CLIC5: variants seen among roughly 807,000 people sequenced by gnomAD.
CLIC5 encodes CLIC family member 5.
In CLIC5, 20 loss-of-function variants were observed where a neutral mutation model predicts 24.7. That is an observed-to-expected ratio of 0.81 (90% CI 0.57 to 1.18). CLIC5 has a LOEUF of 1.18. Among genes scored for constraint, CLIC5 ranks in the 50% most tolerant of loss-of-function variants. The pLI is 0.00. For missense variants in CLIC5, 341 were observed against 326.1 expected, an observed-to-expected ratio of 1.05 and a Z score of -0.35; for synonymous variants, 159 against 135.6, an observed-to-expected ratio of 1.17 and a Z score of -1.20.
At chr6:45,934,349 T>C (rs1206318606) in intron 4 of CLIC5, 1 of 151,910 alleles carries the variant, frequency 6.6e-6, no homozygotes, top group Non-Finnish European at 1.5e-5. Flanking sequence ...AAGTGGAGTA[T>C]AAATTTTAAA....
At chr6:46,030,985 A>C (rs1767482358) in intron 1 of CLIC5, among the ~76,000 whole-genome samples, 1 of 152,240 alleles carries the variant, frequency 6.6e-6, no homozygotes, top group Admixed American at 6.5e-5. Flanking sequence ...ATCATGTTTT[A>C]AAAAGAAGAA....
At chr6:46,007,818 T>A (rs771529279) in intron 1 of CLIC5, among the ~76,000 whole-genome samples, 2 of 152,096 alleles carry the variant, frequency 1.3e-5, no homozygotes, top group Non-Finnish European at 2.9e-5. Context: ...AAAAAAAACT[T>A]ACCCTTAAAG....
At chr6:45,887,053 GTCTC>G (rs1206195141) in intron 6 of CLIC5, among the ~76,000 whole-genome samples, 1 of 152,204 alleles carries the variant, frequency 6.6e-6, no homozygotes, top group African/African-American at 2.4e-5. Flanking sequence ...GCAGCAGACA[GTCTC>G]TCTGATGATA....
rs183736173 is a variant in CLIC5 at position 45,906,629 on chromosome 6, C to T, written c.589-3374G>A. 2.9e-3 allele frequency among the ~76,000 whole-genome samples: 443 copies of T among 150,184 alleles called. 1 individual carries two copies. The highest frequency in any genetic ancestry group is 9.1e-3 in the African/African-American group (369 of 40,610). ...CCAGGCTGGAGTGCAATGGTGCAAT[C>T]TCTGCTCACTGCAACCTCTGCTTCC... On this transcript the variant is annotated intron_variant, in intron 5 of 5. Coordinates refer to ENST00000339561, the MANE Select transcript of CLIC5 (RefSeq NM_016929.5).
chr6:45,909,241 C>T (rs1417377001), intron 5 of CLIC5, among the ~76,000 whole-genome samples: 1 of 152,080 alleles, frequency 6.6e-6, no homozygotes, highest in Non-Finnish European at 1.5e-5. Flanking sequence ...CAAATTGCCA[C>T]TCTATGTCTT....
intron 3 of CLIC5, among the ~76,000 whole-genome samples, chr6:45,941,876 A>T (rs1764143881): frequency 6.6e-6 from 1 of 152,148 alleles, no homozygotes; most frequent in Non-Finnish European, 1.5e-5. Flanking sequence ...GCCTAGGGTG[A>T]CACAGTCTGC....
chr6:46,061,333 G>T (rs186178243), intron 1 of CLIC5, among the ~76,000 whole-genome samples: 1 of 152,162 alleles, frequency 6.6e-6, no homozygotes, highest in Non-Finnish European at 1.5e-5. Flanking sequence ...GGGACTACAG[G>T]CATGCACCAC....
the CLIC5 span, among the ~76,000 whole-genome samples, chr6:46,124,834 C>T: frequency 6.6e-6 from 1 of 152,182 alleles, no homozygotes; most frequent in East Asian, 1.9e-4. Context: ...AAATGCTCAT[C>T]ATCACTGGCC....
intron 1 of CLIC5, among the ~76,000 whole-genome samples, chr6:46,040,161 G>A (rs1259269556): frequency 1.3e-5 from 2 of 152,210 alleles, no homozygotes; most frequent in Non-Finnish European, 2.9e-5. Context: ...GTTAATGGTA[G>A]GCAGCAATAG....
Position 46,078,390 on chromosome 6 carries a change from C to T in CLIC5, c.540+1313G>A, listed in dbSNP as rs548889888. Reference sequence around the variant, plus strand: ...AGAAAAAAAAAAAAGTTTGTTTGCACAGTGTGACAGTGATGATGTGGATAT... The same window carrying T: ...AGAAAAAAAAAAAAGTTTGTTTGCATAGTGTGACAGTGATGATGTGGATAT... On this transcript the variant is annotated intron_variant, in intron 1 of 5. Coordinates refer to the CLIC5 transcript ENST00000185206. Among the ~76,000 whole-genome samples, 192 of 152,072 alleles carry T rather than the reference C, an allele frequency of 1.3e-3. 1 individual carries two copies. The highest frequency in any genetic ancestry group is 4.0e-3 in the African/African-American group (165 of 41,496).
chr6:46,100,106 C>T, the CLIC5 span, among the ~76,000 whole-genome samples: 1 of 152,062 alleles, frequency 6.6e-6, no homozygotes, highest in Non-Finnish European at 1.5e-5. Flanking sequence ...AGATGCCAGG[C>T]AGAACTAGGT....
chr6:45,970,712 A>T (rs548587835), intron 1 of CLIC5, among the ~76,000 whole-genome samples: 2 of 152,242 alleles, frequency 1.3e-5, no homozygotes, highest in South Asian at 4.2e-4. Context: ...CAGATTGCCC[A>T]CCCTGCTTTT....
At chr6:45,880,979 G>A (rs1466948951), downstream of CLIC5, 4 of 394,894 alleles carry the variant, frequency 1.0e-5, no homozygotes, top group East Asian at 7.2e-5. Flanking sequence ...GGAATGGGGG[G>A]ACGGGTGCAG....
At chr6:46,021,558 TA>T (rs113993380) in intron 1 of CLIC5, among the ~76,000 whole-genome samples, 2,320 of 152,140 alleles carry the variant, frequency 0.015, 63 homozygotes, top group African/African-American at 0.052. Flanking sequence ...GTAAATGAAT[TA>T]AAAAAAGTGA....
intron 1 of CLIC5, among the ~76,000 whole-genome samples, chr6:46,064,970 A>G (rs1171951715): frequency 6.6e-6 from 1 of 152,180 alleles, no homozygotes; most frequent in African/African-American, 2.4e-5. Flanking sequence ...GCTCTTCAAA[A>G]GACACTGTCA....
At chr6:46,067,275 T>G (rs1231826546) in intron 1 of CLIC5, among the ~76,000 whole-genome samples, 1 of 151,720 alleles carries the variant, frequency 6.6e-6, no homozygotes, top group African/African-American at 2.4e-5. Context: ...CAAGATTCGT[T>G]CCCCAAGGAG....
chr6:45,974,729 A>C (rs34495744), intron 1 of CLIC5, among the ~76,000 whole-genome samples: 40,652 of 151,508 alleles, frequency 0.27, 6,566 homozygotes, highest in Middle Eastern at 0.42. Context: ...ACCCTTGGGA[A>C]CAGATGTGTT....
chr6:46,099,799 A>C, the CLIC5 span, among the ~76,000 whole-genome samples: 1 of 152,134 alleles, frequency 6.6e-6, no homozygotes, highest in Non-Finnish European at 1.5e-5. Context: ...CCCTGTGTCT[A>C]TCTCTCTGGG....
chr6:45,994,852 C>A (rs1766072283), intron 1 of CLIC5, among the ~76,000 whole-genome samples: 1 of 152,082 alleles, frequency 6.6e-6, no homozygotes, highest in Non-Finnish European at 1.5e-5. Context: ...TCTGCTCTTG[C>A]CCTCACCCAT....
Sources: allele counts gnomAD v4.1 joint callset (sites outside exome capture counted in the v4.1 genomes callset), GRCh38; gene constraint gnomAD v4.1.1; transcripts MANE v1.5; gene names NCBI Gene and HGNC (gene_info 2026-07-23, HGNC 2026-07-21).